The following FGD3 variants were observed in gnomAD, a reference collection of about 807,000 sequenced individuals.
FGD3 encodes the protein FYVE, RhoGEF and PH domain containing 3.
Under a neutral mutation model 71.8 loss-of-function variants are expected in FGD3, and 45 were observed. That is an observed-to-expected ratio of 0.63 (90% confidence interval 0.49 to 0.80). FGD3 has a LOEUF of 0.80. Ranked by LOEUF, FGD3 falls within the 30% of genes least tolerant of loss-of-function variation. The pLI, the probability that FGD3 is intolerant of heterozygous loss-of-function variation, is 0.00. For synonymous variants in FGD3, 378 were observed against 392.8 expected (o/e 0.96, Z 0.44); for missense variants, 844 against 951.5 (o/e 0.89, Z 1.49).
intron 11 of FGD3, 27 bp downstream of exon 11, chr9:93,018,242 T>C (rs1437809910): frequency 6.3e-7 from 1 of 1,591,370 alleles, no homozygotes; most frequent in Non-Finnish European, 8.6e-7. Context: ...TTCTAGTGAA[T>C]GTCTTTGACC....
chr9:92,957,017 A>G (rs1472370122), intron 1 of FGD3, among the ~76,000 whole-genome samples: 3 of 151,998 alleles, frequency 2.0e-5, no homozygotes, highest in Non-Finnish European at 4.4e-5. Flanking sequence ...TCATTGTTAT[A>G]TCAGTGGCTT....
At chr9:92,959,629 C>A (rs1331120540) in intron 1 of FGD3, among the ~76,000 whole-genome samples, 2 of 144,552 alleles carry the variant, frequency 1.4e-5, no homozygotes, top group Admixed American at 7.3e-5. Flanking sequence ...ATCCCTCGAG[C>A]ACAGGAGGTC....
At chr9:92,991,073 G>GT (rs543927127) in intron 3 of FGD3, among the ~76,000 whole-genome samples, 3 of 146,620 alleles carry the variant, frequency 2.0e-5, no homozygotes, top group Non-Finnish European at 2.9e-5. Context: ...AGATTTGTTT[G>GT]TTTGTTTGTT....
chr9:92,977,226 A>G (rs1859795763), intron 3 of FGD3, among the ~76,000 whole-genome samples: 1 of 152,152 alleles, frequency 6.6e-6, no homozygotes, highest in Admixed American at 6.5e-5. Context: ...TGAGGCCCGC[A>G]GTGCAGTGTG....
chr9:93,007,995 A>G (rs1383233981), intron 6 of FGD3, among the ~76,000 whole-genome samples: 1 of 152,224 alleles, frequency 6.6e-6, no homozygotes, highest in Non-Finnish European at 1.5e-5. Flanking sequence ...CAAGTTGCCC[A>G]TGGCCTTTTG....
At position 93,004,057 on chromosome 9, in the gene FGD3, A is replaced by T. The variant is rs1364940944; in HGVS notation, c.600A>T (p.Ile200=). The T allele has an allele frequency of 6.2e-7, 1 of 1,614,194 alleles. No homozygotes were observed. Among genetic ancestry groups the T allele is most frequent in the Non-Finnish European group, 8.5e-7 (1 of 1,180,040 alleles). ...AGIPPEVIMG[I]FSNISSIHRF... ...TCCCTCCAGAAGTCATCATGGGCAT[A>T]TTCTCTAACATCTCCTCCATCCACC... is the stretch of plus-strand genomic sequence containing the variant. The change falls in exon 5 of 18, where the codon ATA becomes ATT. Residue 200 remains isoleucine (I), a synonymous_variant. Coordinates refer to ENST00000375482, the MANE Select transcript of FGD3 (RefSeq NM_001083536.2).
At chr9:92,972,790 G>A (rs1187693034) in intron 1 of FGD3, among the ~76,000 whole-genome samples, 4 of 152,080 alleles carry the variant, frequency 2.6e-5, no homozygotes, top group Non-Finnish European at 5.9e-5. Flanking sequence ...CTGTGTGTGT[G>A]TGTGTGTTTC....
intron 3 of FGD3, among the ~76,000 whole-genome samples, 188 bp from the exon 4 acceptor site, chr9:93,002,737 A>C (rs1860902357): frequency 6.6e-6 from 1 of 152,176 alleles, no homozygotes; most frequent in Admixed American, 6.5e-5. Context: ...CTCTGTAGTC[A>C]AAGGCCCATC....
rs1250761591 is a variant in FGD3 at position 92,969,317 on chromosome 9, C to T, written c.-217-5921C>T. 6.6e-6 allele frequency among the ~76,000 whole-genome samples: 1 copy of T among 152,210 alleles called. No individual in the cohort carries two copies. The highest frequency in any genetic ancestry group is 1.5e-5 in the Non-Finnish European group (1 of 68,042). On this transcript the variant is annotated intron_variant, in intron 1 of 17. Transcript: ENST00000375482. The surrounding 1 kb of genome is among the most constrained non-coding windows in gnomAD (Gnocchi z 4.5). ...CCTCTCTGAGTGGCTAAGCCTCCCT[C>T]ACAGTGAGGTGCTGGCTTCCAAGTG...
rs914913253 is a variant in FGD3, at chr9:93,003,339, G to A, written c.543+325G>A. Reference sequence around the variant, plus strand: ...AGACGGGGTTTCACCATATTTGTCAGGCTGGTCTTGAACTCCTGACCTCAG... The same window carrying A: ...AGACGGGGTTTCACCATATTTGTCAAGCTGGTCTTGAACTCCTGACCTCAG... On this transcript the variant is annotated intron_variant, in intron 4 of 17. Coordinates refer to ENST00000375482, the MANE Select transcript of FGD3 (RefSeq NM_001083536.2). This position sits in a 1 kb window ranked among gnomAD's most constrained non-coding sequence, Gnocchi z 4.1. 2.0e-5 allele frequency among the ~76,000 whole-genome samples: 3 copies of A among 152,148 alleles called. No individual in the cohort carries two copies. Among genetic ancestry groups the A allele is most frequent in the Non-Finnish European group, 4.4e-5 (3 of 68,040 alleles).
At chr9:92,981,391 A>G (rs1161496235) in intron 3 of FGD3, among the ~76,000 whole-genome samples, 1 of 151,996 alleles carries the variant, frequency 6.6e-6, no homozygotes, top group African/African-American at 2.4e-5. Flanking sequence ...AAAAGAAAAA[A>G]AAGAAAGAAA....
intron 1 of FGD3, among the ~76,000 whole-genome samples, chr9:92,957,097 C>A (rs914916337): frequency 2.6e-5 from 4 of 152,192 alleles, no homozygotes; most frequent in Admixed American, 6.5e-5. Context: ...ATTACGCATT[C>A]TCCAGTTGTC....
chr9:92,948,365 C>T (rs1263111250), intron 1 of FGD3, among the ~76,000 whole-genome samples: 1 of 152,220 alleles, frequency 6.6e-6, no homozygotes, highest in Non-Finnish European at 1.5e-5. Flanking sequence ...TCATTAAGAC[C>T]TCCAGTTCTT....
intron 11 of FGD3, among the ~76,000 whole-genome samples, chr9:93,018,900 C>T (rs1861807017): frequency 1.3e-5 from 2 of 152,082 alleles, no homozygotes; most frequent in African/African-American, 4.8e-5. Context: ...GGCTGGAGTG[C>T]AGTGGCACAA....
chr9:92,959,445 GC>G (rs1859128333), intron 1 of FGD3, among the ~76,000 whole-genome samples: 1 of 152,008 alleles, frequency 6.6e-6, no homozygotes, highest in South Asian at 2.1e-4. Flanking sequence ...GGTGGCTCAT[GC>G]CTGTAAATCC....
chr9:93,004,247 C>A (rs1185949398), intron 5 of FGD3, 110 bp downstream of exon 5: 1 of 1,414,172 alleles, frequency 7.1e-7, no homozygotes, highest in African/African-American at 1.4e-5. Flanking sequence ...GGTGGCTGGG[C>A]GCCTCCCTTC....
At chr9:93,005,906 C>T in intron 5 of FGD3, 118 bp from the exon 6 acceptor site, 1 of 1,123,938 alleles carries the variant, frequency 8.9e-7, no homozygotes, top group Non-Finnish European at 1.2e-6. Flanking sequence ...GACCAATTTG[C>T]TCACCATCAC....
At chr9:92,958,172 T>C (rs1167444835) in intron 1 of FGD3, among the ~76,000 whole-genome samples, 1 of 152,140 alleles carries the variant, frequency 6.6e-6, no homozygotes, top group African/African-American at 2.4e-5. Context: ...GTAATTTTTG[T>C]ATTTTTAGTA....
chr9:93,025,173 C>G (rs1377163475), intron 14 of FGD3, among the ~76,000 whole-genome samples: 1 of 152,236 alleles, frequency 6.6e-6, no homozygotes, highest in African/African-American at 2.4e-5. Context: ...TTTACTTCCC[C>G]TGGCCCAGGG....
Sources: gnomAD v4.1 joint callset for allele counts (sites outside exome capture counted in the v4.1 genomes callset) on GRCh38, gnomAD v4.1.1 for gene constraint, Gnocchi (gnomAD v3.1) non-coding constraint, MANE v1.5 for transcripts, NCBI Gene and HGNC (gene_info 2026-07-23, HGNC 2026-07-21) for gene names.